The following HHAT variants were observed in gnomAD, a reference collection of about 807,000 sequenced individuals.
The protein encoded by HHAT is hedgehog acyltransferase.
Under a neutral mutation model 70.8 loss-of-function variants are expected in HHAT, and 47 were observed. That is an observed-to-expected ratio of 0.66 (90% confidence interval 0.53 to 0.85). HHAT has a LOEUF of 0.85. Among genes scored for constraint, HHAT ranks in the 40% least tolerant of loss-of-function variants. The pLI is 0.00. For synonymous variants in HHAT, 228 were observed against 247.6 expected (o/e 0.92, Z 0.74); for missense variants, 609 against 604.8 (o/e 1.01, Z -0.07).
intron 3 of HHAT, among the ~76,000 whole-genome samples, chr1:210,372,934 A>G (rs1044718414): frequency 2.6e-5 from 4 of 152,164 alleles, no homozygotes; most frequent in Non-Finnish European, 4.4e-5. Context: ...TCCATCACAT[A>G]TTGAGCACCA....
intron 11 of HHAT, among the ~76,000 whole-genome samples, chr1:210,670,858 C>G (rs1174110670): frequency 6.6e-6 from 1 of 152,106 alleles, no homozygotes; most frequent in Non-Finnish European, 1.5e-5. Flanking sequence ...TAAAAAATTA[C>G]TCTGAGCTGT....
intron 8 of HHAT, among the ~76,000 whole-genome samples, chr1:210,485,896 T>G (rs1029736956): frequency 1.3e-5 from 2 of 152,156 alleles, no homozygotes; most frequent in Non-Finnish European, 2.9e-5. Flanking sequence ...AGTCTCAGAC[T>G]GTATGCCCTG....
chr1:210,668,408 T>C (rs1221270292), intron 11 of HHAT, among the ~76,000 whole-genome samples: 1 of 152,184 alleles, frequency 6.6e-6, no homozygotes, highest in Non-Finnish European at 1.5e-5. Flanking sequence ...TGGGAGGTAG[T>C]TGAATCATGG....
At chr1:210,491,444 G>T (rs1039848776) in intron 8 of HHAT, among the ~76,000 whole-genome samples, 2 of 152,188 alleles carry the variant, frequency 1.3e-5, no homozygotes, top group Non-Finnish European at 2.9e-5. Flanking sequence ...ACTTTGAGCC[G>T]TGAAACTGTG....
intron 9 of HHAT, among the ~76,000 whole-genome samples, chr1:210,523,072 G>A (rs981748950): frequency 2.6e-5 from 4 of 151,982 alleles, no homozygotes; most frequent in Non-Finnish European, 4.4e-5. Flanking sequence ...ACCTTTCATG[G>A]CTTTTCTTTG....
rs80064609 is a variant in HHAT, at chr1:210,400,365, C to T, written c.274-103C>T. Reference sequence around the variant, plus strand: ...TGGGTAATTAAACGTGATCCTCTTACATGTAGAACCTTCAATATCACTTCC... The same window carrying T: ...TGGGTAATTAAACGTGATCCTCTTATATGTAGAACCTTCAATATCACTTCC... On this transcript the variant is annotated intron_variant, in intron 4 of 11. Coordinates refer to ENST00000261458, the MANE Select transcript of HHAT (RefSeq NM_018194.6). 7,713 of 1,047,436 alleles carry T rather than the reference C, an allele frequency of 7.4e-3. 313 individuals carry two copies. In the African/African-American group the frequency reaches 0.09, roughly 12 times the overall value. The allele number at this position is 1,047,436 out of a possible 1,614,324, so 64.9% of individuals were successfully genotyped here. A position where few individuals can be genotyped will look rare whatever the true frequency, so the allele number is the denominator to read the frequency against.
At chr1:210,634,287 T>C (rs1246695265) in intron 11 of HHAT, among the ~76,000 whole-genome samples, 3 of 152,160 alleles carry the variant, frequency 2.0e-5, no homozygotes, top group Admixed American at 1.3e-4. Flanking sequence ...AGCCACCCTG[T>C]TGATGACAAG....
chr1:210,484,673 G>A (rs1473565243), intron 8 of HHAT, among the ~76,000 whole-genome samples: 1 of 152,144 alleles, frequency 6.6e-6, no homozygotes, highest in East Asian at 1.9e-4. Flanking sequence ...GCACTTACCA[G>A]TGGCACTAGG....
In HHAT at chr1:210,342,216, C is replaced by T. The variant is rs557421530; in HGVS notation, c.-43-6717C>T. On this transcript the variant is annotated intron_variant, in intron 1 of 11. Transcript: ENST00000261458. ...CTGCCTCTTGGGTCTACCACAGCAT[C>T]AAGGGGCTGCTTTGTAGAGCTTCAT... Among the ~76,000 whole-genome samples, 256 of 152,268 alleles carry T rather than the reference C, an allele frequency of 1.7e-3. 1 individual carries two copies. Among genetic ancestry groups the T allele is most frequent in the Middle Eastern group, 6.8e-3 (2 of 294 alleles).
intron 10 of HHAT, chr1:210,588,391 ATTC>A (rs1660953875): frequency 3.3e-6 from 1 of 306,258 alleles, no homozygotes; most frequent in Admixed American, 4.6e-5. Flanking sequence ...GTTAAGATCC[ATTC>A]TTCTAAATTT....
At chr1:210,429,408 T>C (rs1167516751) in intron 7 of HHAT, among the ~76,000 whole-genome samples, 2 of 151,840 alleles carry the variant, frequency 1.3e-5, no homozygotes, top group Non-Finnish European at 2.9e-5. Flanking sequence ...TCTAGAATAG[T>C]TCAACCATGT....
intron 4 of HHAT, among the ~76,000 whole-genome samples, chr1:210,395,264 A>G (rs75995232): frequency 0.029 from 4,346 of 152,288 alleles, 186 homozygotes; most frequent in African/African-American, 0.088. Context: ...CCCACCAGGC[A>G]TACCCTATTA....
At position 210,495,647 on chromosome 1, in the gene HHAT, A is replaced by G. The variant is rs140998567; in HGVS notation, c.1008-17506A>G. 2.4e-4 allele frequency among the ~76,000 whole-genome samples: 36 copies of G among 152,314 alleles called. No individual in the cohort carries two copies. The East Asian group carries it at 5.8e-3, about 24-fold the overall frequency. On this transcript the variant is annotated intron_variant, in intron 8 of 11. Coordinates refer to ENST00000261458, the MANE Select transcript of HHAT (RefSeq NM_018194.6). The stretch of plus-strand genomic sequence containing the variant: ...CAGATATTTGTTACAACTAATGCCT[A>G]TTGGACCATTCAGATTATGACCTAT...
intron 7 of HHAT, among the ~76,000 whole-genome samples, chr1:210,457,380 C>T (rs984925750): frequency 6.6e-6 from 1 of 151,562 alleles, no homozygotes; most frequent in African/African-American, 2.4e-5. Context: ...GCTTTAATCA[C>T]AAAAAAAAGT....
chr1:210,505,202 CTT>C (rs2148558315), intron 8 of HHAT, among the ~76,000 whole-genome samples: 1 of 152,200 alleles, frequency 6.6e-6, no homozygotes, highest in East Asian at 1.9e-4. Context: ...CCTGGCCCAA[CTT>C]TTTATTCTTG....
intron 10 of HHAT, among the ~76,000 whole-genome samples, chr1:210,596,889 G>A (rs1034142431): frequency 7.9e-5 from 12 of 152,178 alleles, no homozygotes; most frequent in Middle Eastern, 6.8e-3. Context: ...ATGGTGCATT[G>A]GTATTTGGCC....
At chr1:210,571,055 G>T (rs1348304617) in intron 9 of HHAT, among the ~76,000 whole-genome samples, 1 of 152,110 alleles carries the variant, frequency 6.6e-6, no homozygotes, top group Non-Finnish European at 1.5e-5. Context: ...CTCGGCCGTC[G>T]AATTGAAAAA....
chr1:210,398,249 A>G (rs562829601), intron 4 of HHAT, among the ~76,000 whole-genome samples: 6 of 152,292 alleles, frequency 3.9e-5, no homozygotes, highest in Non-Finnish European at 8.8e-5. Flanking sequence ...TGCATTATTC[A>G]CATCTTTTCA....
At chr1:210,595,114 A>G (rs927012912) in intron 10 of HHAT, among the ~76,000 whole-genome samples, 2 of 146,750 alleles carry the variant, frequency 1.4e-5, no homozygotes, top group South Asian at 2.2e-4. Context: ...ATTCCTCCCC[A>G]CTCCCCCCAC....
Sources: gnomAD v4.1 joint callset for allele counts (sites outside exome capture counted in the v4.1 genomes callset) on GRCh38, gnomAD v4.1.1 for gene constraint, MANE v1.5 for transcripts, NCBI Gene and HGNC (gene_info 2026-07-23, HGNC 2026-07-21) for gene names.